Variants in MSN observed in about 807,000 individuals in gnomAD.
The protein encoded by MSN is epididymis luminal protein 70.
A neutral mutation model predicts 48.0 loss-of-function variants in MSN; 2 were observed. The observed-to-expected ratio is 0.04, with a 90% CI of 0.02 to 0.13. The LOEUF is 0.13. Ranked by LOEUF, MSN falls within the 10% of genes least tolerant of loss-of-function variation. MSN has a pLI of 1.00. For synonymous variants in MSN, 146 were observed against 166.9 expected (o/e 0.87, Z 0.97); for missense variants, 267 against 470.1 (o/e 0.57, Z 3.99).
intron 1 of MSN, among the ~76,000 whole-genome samples, chrX:65,630,570 C>A (rs1210816237): frequency 9.0e-6 from 1 of 111,023 alleles, no homozygotes; most frequent in Non-Finnish European, 1.9e-5. Flanking sequence ...GCCTGGGTGA[C>A]AGAATGAGAC....
At chrX:65,653,632 T>C (rs998628677) in intron 1 of MSN, among the ~76,000 whole-genome samples, 8 of 109,263 alleles carry the variant, frequency 7.3e-5, no homozygotes, top group African/African-American at 2.3e-4. Flanking sequence ...CATGGGAGCC[T>C]GTTTGCTCCA....
intron 1 of MSN, among the ~76,000 whole-genome samples, chrX:65,618,714 G>A (rs1163018495): frequency 9.1e-6 from 1 of 109,856 alleles, no homozygotes; most frequent in Non-Finnish European, 1.9e-5. Context: ...TACATTTAAA[G>A]TTAATATTGT....
At chrX:65,718,641 G>A (rs1404902576) in intron 2 of MSN, among the ~76,000 whole-genome samples, 1 of 109,917 alleles carries the variant, frequency 9.1e-6, no homozygotes, top group Non-Finnish European at 1.9e-5. Context: ...AACACAGCGA[G>A]ACCCTGTCTC....
intron 1 of MSN, among the ~76,000 whole-genome samples, chrX:65,640,663 C>G (rs1416419956): frequency 1.8e-5 from 2 of 111,907 alleles, no homozygotes; most frequent in Non-Finnish European, 1.9e-5. Context: ...CTGATATTAT[C>G]ATATCTCAGT....
At chrX:65,619,684 G>A (rs1310964707) in intron 1 of MSN, among the ~76,000 whole-genome samples, 1 of 107,562 alleles carries the variant, frequency 9.3e-6, no homozygotes, top group African/African-American at 3.7e-5. Flanking sequence ...CAATTTGATC[G>A]TCTGAAGCCT....
chrX:65,675,076 A>G (rs2070984054), intron 1 of MSN, among the ~76,000 whole-genome samples: 1 of 112,199 alleles, frequency 8.9e-6, no homozygotes, highest in South Asian at 3.7e-4. Flanking sequence ...GAATTTTACT[A>G]TATGCCTAAC....
intron 1 of MSN, among the ~76,000 whole-genome samples, chrX:65,658,313 G>C (rs957741800): frequency 1.8e-5 from 2 of 111,425 alleles, no homozygotes; most frequent in African/African-American, 6.5e-5. Flanking sequence ...GGAAGAAAAA[G>C]AGAGAGAGAG....
chrX:65,634,920 C>T (rs2070587577), intron 1 of MSN, among the ~76,000 whole-genome samples: 1 of 111,440 alleles, frequency 9.0e-6, no homozygotes, highest in African/African-American at 3.3e-5. Context: ...GGACACTGGA[C>T]TCCACAGGGA....
intron 1 of MSN, among the ~76,000 whole-genome samples, chrX:65,633,777 G>A (rs780323497): frequency 8.9e-6 from 1 of 111,993 alleles, no homozygotes; most frequent in African/African-American, 3.2e-5. Flanking sequence ...TAATAGGAAG[G>A]AACCTTTCTC....
chrX:65,689,718 G>A (rs1027200905), intron 1 of MSN, among the ~76,000 whole-genome samples: 2 of 111,388 alleles, frequency 1.8e-5, no homozygotes, highest in African/African-American at 6.5e-5. Context: ...TTAAAATTGG[G>A]CCATAGAGAC....
rs1452010006 is a variant in MSN, at chrX:65,716,917, C to G, written c.96+16C>G. On this transcript the variant is annotated intron_variant, in intron 2 of 12. Coordinates refer to ENST00000360270, the MANE Select transcript of MSN (RefSeq NM_002444.3). ...ATTTGACCAGGTAAGGCGGAGACTC[C>G]TTAGCCTCCTCTCCTTCTCTGAATA... 1 of 1,188,972 alleles carries G rather than the reference C, an allele frequency of 8.4e-7. No individual in the cohort carries two copies. The highest frequency in any genetic ancestry group is 2.2e-5 in the Admixed American group (1 of 45,744).
intron 1 of MSN, among the ~76,000 whole-genome samples, chrX:65,707,887 G>C (rs1164091198): frequency 8.9e-6 from 1 of 112,200 alleles, no homozygotes; most frequent in Non-Finnish European, 1.9e-5. Flanking sequence ...GGCCCCAGCT[G>C]TTACTACCCT....
At chrX:65,606,818 T>C (rs1326561660) in intron 1 of MSN, among the ~76,000 whole-genome samples, 1 of 112,659 alleles carries the variant, frequency 8.9e-6, no homozygotes, top group Non-Finnish European at 1.9e-5. Flanking sequence ...AGCTGCAATA[T>C]AGTATTAATT....
chrX:65,637,956 T>C (rs1218880452), intron 1 of MSN, among the ~76,000 whole-genome samples: 1 of 112,132 alleles, frequency 8.9e-6, no homozygotes, highest in Non-Finnish European at 1.9e-5. Context: ...ATTAGACTGA[T>C]TTACTTGTTT....
At chrX:65,650,396 T>C (rs183496202) in intron 1 of MSN, among the ~76,000 whole-genome samples, 1 of 112,026 alleles carries the variant, frequency 8.9e-6, no homozygotes, top group East Asian at 2.8e-4. Flanking sequence ...CCATCAAGGG[T>C]TCCTTTTCTG....
At chrX:65,604,061 C>T (rs1400720629) in intron 1 of MSN, among the ~76,000 whole-genome samples, 1 of 112,434 alleles carries the variant, frequency 8.9e-6, no homozygotes, top group African/African-American at 3.2e-5. Flanking sequence ...CTTACAACAA[C>T]TTTATGAAGT....
intron 1 of MSN, among the ~76,000 whole-genome samples, chrX:65,679,200 C>G: frequency 9.0e-6 from 1 of 111,575 alleles, no homozygotes; most frequent in East Asian, 2.8e-4. Context: ...TCATCTGTGA[C>G]TCAGGAAGAA....
At chrX:65,592,746 A>G (rs184035474) in intron 1 of MSN, among the ~76,000 whole-genome samples, 4 of 110,880 alleles carry the variant, frequency 3.6e-5, no homozygotes, top group Admixed American at 1.9e-4. Context: ...CCAGATTAAA[A>G]ACACAATTTT....
At chrX:65,606,303 A>G (rs1274283349) in intron 1 of MSN, among the ~76,000 whole-genome samples, 5 of 108,034 alleles carry the variant, frequency 4.6e-5, no homozygotes, top group Non-Finnish European at 9.6e-5. Flanking sequence ...TAATTTTTGG[A>G]TTTTTAGTAG....
Sources: gnomAD v4.1 joint callset for allele counts (sites outside exome capture counted in the v4.1 genomes callset) on GRCh38, gnomAD v4.1.1 for gene constraint, MANE v1.5 for transcripts, NCBI Gene and HGNC (gene_info 2026-07-23, HGNC 2026-07-21) for gene names.